The following ALG8 variants were observed in gnomAD, a reference collection of about 807,000 sequenced individuals.
ALG8 encodes ALG8 alpha-1,3-glucosyltransferase.
In ALG8, 48 loss-of-function variants were observed where a neutral mutation model predicts 70.2. That is an observed-to-expected ratio of 0.68 (90% CI 0.54 to 0.87). The LOEUF (loss-of-function observed/expected upper bound fraction) is 0.87. ALG8 is among the 40% of genes least tolerant of loss of function. ALG8 has a pLI of 0.00. For missense variants in ALG8, 572 were observed against 608.7 expected, an observed-to-expected ratio of 0.94 and a Z score of 0.64; for synonymous variants, 234 against 229.0, an observed-to-expected ratio of 1.02 and a Z score of -0.20.
At chr11:78,109,350 G>C (rs972871486) in intron 9 of ALG8, 92 bp downstream of exon 9, 13 of 1,540,242 alleles carry the variant, frequency 8.4e-6, no homozygotes, top group Middle Eastern at 1.7e-4. Context: ...TTATCCTACA[G>C]TTGGAAGAGC....
At chr11:78,125,732 C>T (rs1861040112) in intron 2 of ALG8, among the ~76,000 whole-genome samples, 1 of 151,584 alleles carries the variant, frequency 6.6e-6, no homozygotes, top group Non-Finnish European at 1.5e-5. Flanking sequence ...CACTTGAACC[C>T]AGGAGGCAGA....
chr11:78,120,085 G>T (rs1374442525), intron 4 of ALG8, among the ~76,000 whole-genome samples: 2 of 151,750 alleles, frequency 1.3e-5, no homozygotes, highest in African/African-American at 4.8e-5. Context: ...CTGGGTGACA[G>T]AGCAAGAATG....
chr11:78,108,235 G>A (rs1181875032), intron 9 of ALG8, among the ~76,000 whole-genome samples: 5 of 151,976 alleles, frequency 3.3e-5, no homozygotes, highest in African/African-American at 7.2e-5. Context: ...AGCTGAGATC[G>A]TACCACTACA....
chr11:78,113,691 C>T (rs1446018221), intron 7 of ALG8, among the ~76,000 whole-genome samples, 195 bp downstream of exon 7: 6 of 142,202 alleles, frequency 4.2e-5, no homozygotes, highest in Non-Finnish European at 3.0e-5. Flanking sequence ...CCAGCCTGGG[C>T]GACACAGTGA....
Position 78,121,057 on chromosome 11 carries a change from A to G in ALG8, c.478+8T>C. 1 of 1,600,060 alleles carries G rather than the reference A, an allele frequency of 6.2e-7. No homozygotes were observed. Among genetic ancestry groups the G allele is most frequent in the Middle Eastern group, 1.7e-4 (1 of 6,036 alleles). The stretch of plus-strand genomic sequence containing the variant: ...GTAAGGGAATAGTACATAGAATATC[A>G]AGGATACGGTCCACAATTAATAACC... On this transcript the variant is annotated splice_region_variant and intron_variant, in intron 4 of 12. Coordinates refer to ENST00000299626, the MANE Select transcript of ALG8 (RefSeq NM_024079.5).
At chr11:78,137,942 T>A (rs969966711) in intron 1 of ALG8, among the ~76,000 whole-genome samples, 1 of 152,190 alleles carries the variant, frequency 6.6e-6, no homozygotes, top group African/African-American at 2.4e-5. Flanking sequence ...GAAAATGCAG[T>A]ATCTGTGAAG....
At chr11:78,113,718 A>C (rs1860413650) in intron 7 of ALG8, among the ~76,000 whole-genome samples, 168 bp downstream of exon 7, 2 of 115,974 alleles carry the variant, frequency 1.7e-5, no homozygotes, top group Admixed American at 1.6e-4. Flanking sequence ...ATCTTAAACA[A>C]AAACAAAAAA....
chr11:78,139,303 A>G (rs1861693072), intron 1 of ALG8, 191 bp downstream of exon 1: 2 of 624,812 alleles, frequency 3.2e-6, no homozygotes, highest in Non-Finnish European at 5.7e-6. Flanking sequence ...AGACAGCGCC[A>G]GGTCTGAACC....
At chr11:78,134,476 C>A (rs1861457320) in intron 1 of ALG8, among the ~76,000 whole-genome samples, 1 of 152,180 alleles carries the variant, frequency 6.6e-6, no homozygotes, top group South Asian at 2.1e-4. Flanking sequence ...AACAATGAAG[C>A]TTGCCACATT....
At chr11:78,123,970 T>C (rs759701040) in intron 3 of ALG8, 51 bp downstream of exon 3, 28 of 1,575,920 alleles carry the variant, frequency 1.8e-5, no homozygotes, top group Admixed American at 5.0e-5. Context: ...TACTTAACAC[T>C]GTACTATTTT....
intron 10 of ALG8, among the ~76,000 whole-genome samples, chr11:78,105,093 T>C (rs1331611860): frequency 6.6e-6 from 1 of 152,206 alleles, no homozygotes; most frequent in African/African-American, 2.4e-5. Flanking sequence ...TTTCCAACCC[T>C]ATAGCTCATC....
rs773541071 is a variant in ALG8 at position 78,114,327 on chromosome 11, A to G, written c.612T>C (p.Tyr204=). ...VLLHFKHIYL[Y]VAPAYGVYLL... The stretch of plus-strand genomic sequence containing the variant: ...GATATACACCATAAGCTGGTGCTAC[A>G]TAGAGGTAGATATGCTTGAAATGTA... Residue 204 remains tyrosine, a synonymous_variant, in exon 6 of 13, where the codon TAT becomes TAC. Coordinates refer to ENST00000299626, the MANE Select transcript of ALG8 (RefSeq NM_024079.5). 3 of 1,614,170 alleles carry G rather than the reference A, an allele frequency of 1.9e-6. No homozygotes were observed. Among genetic ancestry groups the G allele is most frequent in the Non-Finnish European group, 2.5e-6 (3 of 1,180,006 alleles).
At chr11:78,139,423 A>T in intron 1 of ALG8, 71 bp downstream of exon 1, 1 of 1,438,382 alleles carries the variant, frequency 7.0e-7, no homozygotes, top group Non-Finnish European at 9.6e-7. Context: ...AGGGATATCC[A>T]CACCTTTCTC....
In ALG8 at chr11:78,121,101, A is replaced by G; in HGVS notation, c.442T>C (p.Leu148=). ...TEKPKFILSV[L]LLWNFGLLIV... is the part of the protein sequence containing the mutation. ...AATAACCCGAAGTTCCACAGAAGTA[A>G]TACCGACAGAATAAATTTTGGCTTT... Residue 148 remains leucine, a synonymous_variant, in exon 4 of 13, where the codon TTA becomes CTA. Coordinates refer to ENST00000299626, the MANE Select transcript of ALG8 (RefSeq NM_024079.5). 3 of 1,613,982 alleles carry G rather than the reference A, an allele frequency of 1.9e-6. No homozygotes were observed. Among genetic ancestry groups the G allele is most frequent in the Non-Finnish European group, 2.5e-6 (3 of 1,179,986 alleles).
In ALG8 at chr11:78,109,470, G is replaced by A. The variant is rs1860184820; in HGVS notation, c.1010C>T (p.Thr337Ile). 6.2e-7 allele frequency: 1 copy of A among 1,614,134 alleles called. No individual in the cohort carries two copies. The highest frequency in any genetic ancestry group is 1.7e-5 in the Admixed American group (1 of 60,020). The change falls in exon 9 of 13, where the codon ACC becomes ATC. Residue 337 changes from threonine (T) to isoleucine (I), a missense_variant. Transcript: ENST00000299626. ...TVLPSVTPLA[T>I]LICTLIAILP... ...TATGGCAATCAGTGTGCAGATGAGG[G>A]TTGCCAAGGGAGTCACTGAGGGAAG... is the stretch of plus-strand genomic sequence containing the variant.
At chr11:78,122,801 C>T (rs1170874709) in intron 3 of ALG8, among the ~76,000 whole-genome samples, 1 of 152,098 alleles carries the variant, frequency 6.6e-6, no homozygotes, top group Non-Finnish European at 1.5e-5. Context: ...CAACTCTTGC[C>T]AGGTCATAAA....
At chr11:78,120,021 G>C (rs1008325523) in intron 4 of ALG8, among the ~76,000 whole-genome samples, 1 of 151,932 alleles carries the variant, frequency 6.6e-6, no homozygotes, top group Non-Finnish European at 1.5e-5. Flanking sequence ...AGAATCACCT[G>C]AACCCAGGAG....
chr11:78,117,085 T>C (rs1285853121), intron 5 of ALG8, among the ~76,000 whole-genome samples: 2 of 152,236 alleles, frequency 1.3e-5, no homozygotes, highest in Non-Finnish European at 2.9e-5. Flanking sequence ...CAGACATTTA[T>C]AGTTGACAAA....
intron 9 of ALG8, 99 bp from the exon 10 acceptor site, chr11:78,107,045 A>G: frequency 7.3e-7 from 1 of 1,373,816 alleles, no homozygotes; most frequent in Non-Finnish European, 1.0e-6. Context: ...TCTGAAAGAC[A>G]GCCAATCTTA....
Sources: allele counts gnomAD v4.1 joint callset (sites outside exome capture counted in the v4.1 genomes callset), GRCh38; gene constraint gnomAD v4.1.1; transcripts MANE v1.5; gene names NCBI Gene and HGNC (gene_info 2026-07-23, HGNC 2026-07-21).